Variants in MACF1 observed in about 807,000 individuals in gnomAD.
The protein encoded by MACF1 is microtubule actin crosslinking factor 1.
Under a neutral mutation model 854.8 loss-of-function variants are expected in MACF1, and 193 were observed. The ratio of observed to expected loss-of-function variants is 0.23; its 90% CI spans 0.20 to 0.25. The LOEUF is 0.25. Among genes scored for constraint, MACF1 ranks in the 10% least tolerant of loss-of-function variants. The pLI is 1.00. For missense variants in MACF1, 7,722 were observed against 8,929.1 expected, an observed-to-expected ratio of 0.86 and a Z score of 5.45; for synonymous variants, 3,185 against 3,226.7, an observed-to-expected ratio of 0.99 and a Z score of 0.44.
intron 58 of MACF1, among the ~76,000 whole-genome samples, chr1:39,403,896 A>T (rs1329577539): frequency 1.3e-5 from 2 of 152,010 alleles, no homozygotes; most frequent in African/African-American, 4.8e-5. Flanking sequence ...TGGGAGGCCG[A>T]GGCGGGCAGA....
rs1647711202 is a variant in MACF1, at chr1:39,357,701, A to G, written c.11751A>G (p.Leu3917=). 2.5e-6 allele frequency: 4 copies of G among 1,614,168 alleles called. No homozygotes were observed. Among genetic ancestry groups the G allele is most frequent in the Non-Finnish European group, 2.5e-6 (3 of 1,180,020 alleles). ...GSSPETLPSL[L]KRQGSFSEDV... is the part of the protein sequence containing the mutation. ...GCCCCGAGACCCTTCCCTCCCTGCT[A>G]AAGCGGCAAGGAAGCTTCTCAGAGG... is the stretch of plus-strand genomic sequence containing the variant. The change falls in exon 45 of 101, where the codon CTA becomes CTG. Residue 3917 remains leucine, a synonymous_variant. Coordinates refer to ENST00000564288, the MANE Select transcript of MACF1 (RefSeq NM_001394062.1).
intron 84 of MACF1, 69 bp downstream of exon 84, chr1:39,448,832 A>G (rs1644278054): frequency 2.2e-6 from 3 of 1,338,792 alleles, no homozygotes; most frequent in African/African-American, 1.5e-5. Flanking sequence ...ACCAGATTCT[A>G]TAAAATGGTG....
chr1:39,225,075 T>C (rs1449286399), intron 1 of MACF1, among the ~76,000 whole-genome samples: 1 of 152,078 alleles, frequency 6.6e-6, no homozygotes, highest in East Asian at 1.9e-4. Flanking sequence ...TCCTAGATAC[T>C]TGGGAGGCTG....
chr1:39,095,388 CTG>C (rs1641911535), intron 2 of MACF1, among the ~76,000 whole-genome samples: 1 of 151,286 alleles, frequency 6.6e-6, no homozygotes, highest in African/African-American at 2.4e-5. Flanking sequence ...TGGTGAAACC[CTG>C]TCTCTATTAA....
chr1:39,172,127 A>G (rs1427933530), intron 2 of MACF1, among the ~76,000 whole-genome samples: 1 of 152,096 alleles, frequency 6.6e-6, no homozygotes, highest in African/African-American at 2.4e-5. Context: ...TTGATTTAGG[A>G]TAGTGTGGAC....
At chr1:39,434,884 A>G (rs946370439) in intron 69 of MACF1, among the ~76,000 whole-genome samples, 1 of 152,232 alleles carries the variant, frequency 6.6e-6, no homozygotes, top group Non-Finnish European at 1.5e-5. Context: ...CTCACTAAAA[A>G]TCAATGGAAT....
rs939660787 is a variant in MACF1, at chr1:39,331,595, T to C, written c.5007T>C (p.Cys1669=). The change falls in exon 37 of 101, where the codon TGT becomes TGC. Residue 1669 remains cysteine, a synonymous_variant. Coordinates refer to ENST00000564288, the MANE Select transcript of MACF1 (RefSeq NM_001394062.1). ...TCAGTCTTTCCCCTAGTGAGAACTG[T>C]ATTAACCTGGAAGAGGCTTTTCATC... ...GGFSLSPSEN[C]INLEEAFHQG... 3.7e-6 allele frequency: 6 copies of C among 1,614,182 alleles called. No individual in the cohort carries two copies. The African/African-American group carries it at 6.7e-5, about 18-fold the overall frequency.
intron 61 of MACF1, 109 bp from the exon 62 acceptor site, chr1:39,427,346 G>A: frequency 2.3e-6 from 2 of 880,014 alleles, no homozygotes; most frequent in Non-Finnish European, 3.5e-6. Flanking sequence ...GTTTACTATT[G>A]GTATTTAAAC....
At chr1:39,259,066 T>C (rs1259528464) in intron 6 of MACF1, among the ~76,000 whole-genome samples, 1 of 152,220 alleles carries the variant, frequency 6.6e-6, no homozygotes, top group Non-Finnish European at 1.5e-5. Flanking sequence ...GTGTGCTCTG[T>C]CTGGCAGGAT....
At position 39,319,734 on chromosome 1, in the gene MACF1, C is replaced by G; in HGVS notation, c.4016C>G (p.Ser1339Cys). ...TGTCAAAAATTTTCCCAGCAGTACT[C>G]TACTATTGTAAAGGTAACTTTACCA... The part of the protein sequence containing the change: ...DQCQKFSQQY[S>C]TIVKDYELQL... Residue 1339 changes from serine to cysteine, a missense_variant, in exon 31 of 101, where the codon TCT (serine) becomes TGT (cysteine). This residue lies in a region of MACF1 where 1,137 missense variants were observed against 1,263.0 expected (regional missense o/e 0.90). Coordinates refer to ENST00000564288, the MANE Select transcript of MACF1 (RefSeq NM_001394062.1). 6.2e-7 allele frequency: 1 copy of G among 1,612,214 alleles called. No individual in the cohort carries two copies. The highest frequency in any genetic ancestry group is 2.2e-5 in the East Asian group (1 of 44,810).
At chr1:39,138,639 T>C (rs1271347490) in intron 2 of MACF1, among the ~76,000 whole-genome samples, 3 of 151,986 alleles carry the variant, frequency 2.0e-5, no homozygotes, top group Non-Finnish European at 4.4e-5. Context: ...CTCATTTCAA[T>C]AATGATATTG....
Position 39,468,501 on chromosome 1 carries a change from A to G in MACF1, c.21772-114A>G, listed in dbSNP as rs949228946. 2.1e-5 allele frequency: 16 copies of G among 777,712 alleles called. No individual in the cohort carries two copies. The African/African-American group carries it at 2.1e-4, about 10-fold the overall frequency. 48.2% of individuals were successfully genotyped at this position (777,712 alleles called of 1,614,324 possible). ...AAATGCAAAATTGTGAGAGTTAACA[A>G]TTCTTCTGTAGCTATCAAATTGTCA... On this transcript the variant is annotated intron_variant, in intron 95 of 100. Transcript: ENST00000564288.
rs772271487 is a variant in MACF1, at chr1:39,313,125, T to C, written c.3270+2125T>C. On this transcript the variant is annotated intron_variant, in intron 26 of 100. Coordinates refer to ENST00000564288, the MANE Select transcript of MACF1 (RefSeq NM_001394062.1). Reference sequence around the variant, plus strand: ...TTTGTAGAATAAATGTAGAATATTTTGTCCTTCTGTTTGTGGTTACCTGAG... The same window carrying C: ...TTTGTAGAATAAATGTAGAATATTTCGTCCTTCTGTTTGTGGTTACCTGAG... 2.1e-4 allele frequency among the ~76,000 whole-genome samples: 32 copies of C among 152,232 alleles called. 1 individual carries two copies. Among genetic ancestry groups the C allele is most frequent in the South Asian group, 4.1e-4 (2 of 4,832 alleles).
chr1:39,357,443 C>T lies in MACF1; in HGVS notation c.11493C>T (p.Phe3831=), dbSNP rs747408046. Residue 3831 remains phenylalanine, a synonymous_variant, in exon 45 of 101, where the codon TTC becomes TTT. Coordinates refer to ENST00000564288, the MANE Select transcript of MACF1 (RefSeq NM_001394062.1). ...TGGCCACCCAGTCAGCTCAGGCCTT[C>T]TTGGATCAGCATGGCCACAATCTCA... ...FILATQSAQA[F]LDQHGHNLTP... 4.3e-6 allele frequency: 7 copies of T among 1,614,038 alleles called. No individual in the cohort carries two copies. The East Asian group carries it at 1.6e-4, about 36-fold the overall frequency.
chr1:39,471,843 T>C (rs1454185254), intron 97 of MACF1, among the ~76,000 whole-genome samples: 4 of 152,130 alleles, frequency 2.6e-5, no homozygotes, highest in African/African-American at 9.7e-5. Flanking sequence ...CAGATTGTTA[T>C]ACAGATAAAA....
At chr1:39,187,003 G>GTTTTTTTTTTTTTTTTTT (rs1644182829) in intron 2 of MACF1, among the ~76,000 whole-genome samples, 1 of 131,910 alleles carries the variant, frequency 7.6e-6, no homozygotes, top group Non-Finnish European at 1.7e-5. Flanking sequence ...TTTTTTTTTG[G>GTTTTTTTTTTTTTTTTTT]TTTTGAACAT....
intron 51 of MACF1, among the ~76,000 whole-genome samples, chr1:39,372,241 A>G (rs138809720): frequency 1.3e-5 from 2 of 152,354 alleles, no homozygotes; most frequent in East Asian, 3.9e-4. Flanking sequence ...AATGCAATTG[A>G]TAATCTGAGC....
At chr1:39,314,569 TCACA>T (rs58459573) in intron 26 of MACF1, among the ~76,000 whole-genome samples, 3,500 of 65,130 alleles carry the variant, frequency 0.054, 99 homozygotes, top group East Asian at 0.27. Context: ...TCTCTCTCTC[TCACA>T]CACACACACA....
At chr1:39,278,651 T>A (rs1220513044) in intron 6 of MACF1, among the ~76,000 whole-genome samples, 1 of 152,246 alleles carries the variant, frequency 6.6e-6, no homozygotes, top group African/African-American at 2.4e-5. Context: ...TGTTTTACTT[T>A]AATATGTACG....
Sources: allele counts gnomAD v4.1 joint callset (sites outside exome capture counted in the v4.1 genomes callset), GRCh38; gene constraint gnomAD v4.1.1; regional missense constraint gnomAD v4.1.1; transcripts MANE v1.5; gene names NCBI Gene and HGNC (gene_info 2026-07-23, HGNC 2026-07-21).